CHCHD3: variants seen among roughly 807,000 people sequenced by gnomAD.
CHCHD3 encodes MICOS complex subunit MIC19.
CHCHD3 carries 20 observed loss-of-function variants against 38.2 expected under a neutral mutation model. That is an observed-to-expected ratio of 0.52 (90% CI 0.37 to 0.76). The LOEUF (loss-of-function observed/expected upper bound fraction) is 0.76, where lower values mean the gene tolerates loss of function less well. Ranked by LOEUF, CHCHD3 falls within the 30% of genes least tolerant of loss-of-function variation. The pLI is 0.00. For synonymous variants in CHCHD3, 82 were observed against 100.0 expected, an observed-to-expected ratio of 0.82 and a Z score of 1.07; for missense variants, 245 against 279.2, an observed-to-expected ratio of 0.88 and a Z score of 0.87.
At chr7:132,808,384 C>G (rs969879295) in intron 6 of CHCHD3, among the ~76,000 whole-genome samples, 2 of 152,244 alleles carry the variant, frequency 1.3e-5, no homozygotes, top group African/African-American at 4.8e-5. Flanking sequence ...TCCTCTTCTA[C>G]AGTTCCTTGT....
rs140190645 is a variant in CHCHD3, at chr7:132,928,489, G to C, written c.370-42744C>G. On this transcript the variant is annotated intron_variant, in intron 4 of 7. Coordinates refer to ENST00000262570, the MANE Select transcript of CHCHD3 (RefSeq NM_017812.4). ...AGGTGGGTGGATCACCTGAGGTCAG[G>C]AGTTCAAGACCAGCCTGGCCAACAT... 6.5e-3 allele frequency among the ~76,000 whole-genome samples: 991 copies of C among 152,148 alleles called. 11 individuals are homozygous for C. Among genetic ancestry groups the C allele is most frequent in the African/African-American group, 0.022 (919 of 41,502 alleles).
At chr7:132,934,860 T>A (rs897729474) in intron 4 of CHCHD3, among the ~76,000 whole-genome samples, 1 of 152,214 alleles carries the variant, frequency 6.6e-6, no homozygotes, top group Non-Finnish European at 1.5e-5. Flanking sequence ...CTATTCTGCA[T>A]CTTCTCAATT....
intron 4 of CHCHD3, among the ~76,000 whole-genome samples, chr7:132,933,347 G>C (rs190614530): frequency 1.3e-5 from 2 of 152,172 alleles, no homozygotes; most frequent in African/African-American, 4.8e-5. Context: ...CTGATGGTGT[G>C]CTCAGCATGC....
intron 2 of CHCHD3, among the ~76,000 whole-genome samples, chr7:133,037,007 A>G (rs1813699151): frequency 6.6e-6 from 1 of 152,200 alleles, no homozygotes; most frequent in Non-Finnish European, 1.5e-5. Context: ...CAGGTTCAAT[A>G]AGTATTTTAG....
intron 6 of CHCHD3, among the ~76,000 whole-genome samples, chr7:132,833,504 TTTTAAAAAGATCATCA>T (rs1233659874): frequency 3.3e-5 from 5 of 152,216 alleles, no homozygotes. Flanking sequence ...ACTTTGAATT[TTTTAAAAAGATCATCA>T]TTTAAAAAGT....
chr7:132,943,684 A>G (rs1031952293), intron 4 of CHCHD3, among the ~76,000 whole-genome samples: 1 of 152,168 alleles, frequency 6.6e-6, no homozygotes, highest in African/African-American at 2.4e-5. Flanking sequence ...AAAGGAAAAG[A>G]CTGACAGATT....
intron 4 of CHCHD3, among the ~76,000 whole-genome samples, chr7:132,895,085 A>G (rs1809460097): frequency 6.6e-6 from 1 of 152,212 alleles, no homozygotes; most frequent in African/African-American, 2.4e-5. Context: ...ATGAGTTCTT[A>G]TCAGTAAAAT....
intron 3 of CHCHD3, among the ~76,000 whole-genome samples, chr7:132,996,176 CAA>C (rs1812409999): frequency 6.6e-6 from 1 of 152,188 alleles, no homozygotes; most frequent in Non-Finnish European, 1.5e-5. Context: ...TGTTCTGATT[CAA>C]ACATTGATGT....
At chr7:132,937,615 A>T (rs1315381327) in intron 4 of CHCHD3, among the ~76,000 whole-genome samples, 5 of 152,206 alleles carry the variant, frequency 3.3e-5, no homozygotes, top group Non-Finnish European at 2.9e-5. Context: ...GGCCTGCATT[A>T]TAATTGTATT....
intron 3 of CHCHD3, among the ~76,000 whole-genome samples, chr7:132,993,577 A>G (rs978115091): frequency 5.9e-5 from 9 of 152,196 alleles, no homozygotes; most frequent in African/African-American, 2.2e-4. Context: ...ACCAGAGCTC[A>G]GGTCCCACTG....
At chr7:132,903,065 G>T (rs188660578) in intron 4 of CHCHD3, among the ~76,000 whole-genome samples, 1 of 152,208 alleles carries the variant, frequency 6.6e-6, no homozygotes, top group Admixed American at 6.5e-5. Context: ...ACACTAGAAA[G>T]CCTCACTGCA....
At chr7:133,032,983 G>A (rs146030937) in intron 2 of CHCHD3, among the ~76,000 whole-genome samples, 32 of 152,134 alleles carry the variant, frequency 2.1e-4, no homozygotes, top group African/African-American at 5.8e-4. Context: ...TCCATTTCAC[G>A]CAAATGGTCC....
At chr7:133,010,457 C>G (rs1010760171) in intron 3 of CHCHD3, among the ~76,000 whole-genome samples, 1 of 152,174 alleles carries the variant, frequency 6.6e-6, no homozygotes, top group Admixed American at 6.5e-5. Context: ...TCTCTTTTGA[C>G]TTTTGGACAA....
intron 5 of CHCHD3, among the ~76,000 whole-genome samples, chr7:132,840,784 TGCACAAAA>T (rs1395818604): frequency 6.6e-6 from 1 of 152,198 alleles, no homozygotes; most frequent in East Asian, 1.9e-4. Flanking sequence ...ATTAACAATG[TGCACAAAA>T]GCAACAGTTT....
chr7:132,998,460 C>T (rs1052920930), intron 3 of CHCHD3, among the ~76,000 whole-genome samples: 1 of 152,124 alleles, frequency 6.6e-6, no homozygotes, highest in East Asian at 1.9e-4. Flanking sequence ...GAAATTGATG[C>T]TTCACCAACT....
chr7:133,063,106 A>T (rs1159080014), intron 2 of CHCHD3, among the ~76,000 whole-genome samples: 2 of 152,204 alleles, frequency 1.3e-5, no homozygotes, highest in Non-Finnish European at 2.9e-5. Flanking sequence ...ACACATTGCT[A>T]ATGACAAGAA....
intron 1 of CHCHD3, among the ~76,000 whole-genome samples, chr7:133,077,623 T>C (rs528339915): frequency 5.9e-5 from 9 of 152,344 alleles, no homozygotes; most frequent in East Asian, 1.9e-4. Context: ...TTGCGAAAGA[T>C]AGAGTTGTAA....
At chr7:132,803,184 GA>G (rs1255974130) in intron 6 of CHCHD3, among the ~76,000 whole-genome samples, 2 of 152,116 alleles carry the variant, frequency 1.3e-5, no homozygotes, top group Non-Finnish European at 2.9e-5. Flanking sequence ...TTGCAAATTT[GA>G]AGATTATTCT....
At chr7:132,913,264 C>G (rs925970401) in intron 4 of CHCHD3, among the ~76,000 whole-genome samples, 1 of 152,120 alleles carries the variant, frequency 6.6e-6, no homozygotes, top group Non-Finnish European at 1.5e-5. Flanking sequence ...TGAACCAAAC[C>G]CTGATTCAAG....
Sources: gnomAD v4.1 joint callset for allele counts (sites outside exome capture counted in the v4.1 genomes callset) on GRCh38, gnomAD v4.1.1 for gene constraint, MANE v1.5 for transcripts, NCBI Gene and HGNC (gene_info 2026-07-23, HGNC 2026-07-21) for gene names.